MCC: variants seen among roughly 807,000 people sequenced by gnomAD.
MCC encodes the protein colorectal mutant cancer protein.
Under a neutral mutation model 116.2 loss-of-function variants are expected in MCC, and 90 were observed. The ratio of observed to expected loss-of-function variants is 0.77; its 90% CI spans 0.65 to 0.92. The LOEUF (loss-of-function observed/expected upper bound fraction) is 0.92. Ranked by LOEUF, MCC falls within the 40% of genes least tolerant of loss-of-function variation. The pLI is 0.00. For synonymous variants in MCC, 578 were observed against 510.5 expected, an observed-to-expected ratio of 1.13 and a Z score of -1.78; for missense variants, 1,516 against 1,312.2, an observed-to-expected ratio of 1.16 and a Z score of -2.40.
At chr5:113,045,551 G>A (rs1752013524) in intron 16 of MCC, among the ~76,000 whole-genome samples, 1 of 152,194 alleles carries the variant, frequency 6.6e-6, no homozygotes, top group South Asian at 2.1e-4. Context: ...TGTAATCTCA[G>A]CACTTTGGGA....
intron 3 of MCC, among the ~76,000 whole-genome samples, chr5:113,256,676 T>C (rs115781902): frequency 1.9e-3 from 290 of 152,322 alleles, no homozygotes; most frequent in African/African-American, 6.7e-3. Context: ...TCTGGACATG[T>C]TGACCTTGGG....
chr5:113,098,763 C>G (rs1756206122), intron 8 of MCC, among the ~76,000 whole-genome samples: 1 of 152,094 alleles, frequency 6.6e-6, no homozygotes, highest in Non-Finnish European at 1.5e-5. Flanking sequence ...TCCTATTGAT[C>G]TGGTCGGTTA....
intron 3 of MCC, among the ~76,000 whole-genome samples, chr5:113,280,911 A>T (rs1487844552): frequency 6.6e-6 from 1 of 152,212 alleles, no homozygotes; most frequent in African/African-American, 2.4e-5. Flanking sequence ...CCAAAGCTCC[A>T]CAACCAAGTG....
At chr5:113,298,519 T>G (rs1288196251) in intron 3 of MCC, among the ~76,000 whole-genome samples, 1 of 152,118 alleles carries the variant, frequency 6.6e-6, no homozygotes, top group African/African-American at 2.4e-5. Flanking sequence ...AAATGGGAGA[T>G]GAGACTATCT....
intron 3 of MCC, among the ~76,000 whole-genome samples, chr5:113,210,115 A>T (rs1221681272): frequency 6.6e-6 from 1 of 152,186 alleles, no homozygotes; most frequent in Non-Finnish European, 1.5e-5. Flanking sequence ...CACATTTGAC[A>T]TTAGCACAGG....
chr5:113,332,258 A>G (rs999740249), intron 3 of MCC, among the ~76,000 whole-genome samples: 1 of 151,528 alleles, frequency 6.6e-6, no homozygotes, highest in Non-Finnish European at 1.5e-5. Flanking sequence ...AGCGCACTGC[A>G]GCCTCCAACT....
At chr5:113,189,556 G>A (rs1172556381) in intron 3 of MCC, among the ~76,000 whole-genome samples, 1 of 152,136 alleles carries the variant, frequency 6.6e-6, no homozygotes, top group Non-Finnish European at 1.5e-5. Flanking sequence ...GGACTCAGGT[G>A]ACTCTAAGCC....
intron 2 of MCC, among the ~76,000 whole-genome samples, chr5:113,351,056 G>T (rs1561534224): frequency 6.6e-6 from 1 of 152,072 alleles, no homozygotes; most frequent in Non-Finnish European, 1.5e-5. Flanking sequence ...TGGGGATATA[G>T]AGAAAAGGGA....
chr5:113,416,936 T>C (rs1770167311), intron 1 of MCC, among the ~76,000 whole-genome samples: 4 of 152,006 alleles, frequency 2.6e-5, no homozygotes, highest in African/African-American at 9.7e-5. Flanking sequence ...GATTTACATA[T>C]TGGTCATTGC....
At chr5:113,293,202 T>G (rs1766575342) in intron 3 of MCC, among the ~76,000 whole-genome samples, 1 of 145,880 alleles carries the variant, frequency 6.9e-6, no homozygotes, top group Admixed American at 6.8e-5. Context: ...CCAACCCCAT[T>G]TAATCCCCCC....
chr5:113,114,784 G>A (rs995596386), intron 6 of MCC, among the ~76,000 whole-genome samples: 9 of 152,098 alleles, frequency 5.9e-5, no homozygotes, highest in Non-Finnish European at 1.0e-4. Flanking sequence ...TTACCTTCCC[G>A]TTCCATCCCC....
At chr5:113,145,757 CACACACACACACACACACACACACACAA>C (rs1170069953) in intron 4 of MCC, among the ~76,000 whole-genome samples, 825 of 31,614 alleles carry the variant, frequency 0.026, 9 homozygotes, top group African/African-American at 0.071. Context: ...CACACACACA[CACACACACACACACACACACACACACAA>C]ACACACACAC....
At chr5:113,122,857 A>C (rs779779265) in intron 5 of MCC, 31 bp from the exon 6 acceptor site, 14 of 1,611,740 alleles carry the variant, frequency 8.7e-6, no homozygotes, top group African/African-American at 2.7e-5. Flanking sequence ...GCAACCACTA[A>C]CAGAGGATAT....
At chr5:113,133,054 C>A (rs1423062729) in intron 5 of MCC, among the ~76,000 whole-genome samples, 6 of 151,872 alleles carry the variant, frequency 4.0e-5, no homozygotes, top group Non-Finnish European at 5.9e-5. Flanking sequence ...TTTCAGGGTA[C>A]CTGTGACATT....
chr5:113,356,942 A>AC (rs1317023723), intron 2 of MCC, among the ~76,000 whole-genome samples: 1 of 152,186 alleles, frequency 6.6e-6, no homozygotes, highest in Non-Finnish European at 1.5e-5. Flanking sequence ...CATTTTTCCC[A>AC]TTTTTAGAAG....
chr5:113,237,910 G>A (rs1488364333), intron 3 of MCC, among the ~76,000 whole-genome samples: 1 of 152,190 alleles, frequency 6.6e-6, no homozygotes, highest in African/African-American at 2.4e-5. Flanking sequence ...TCCAGTGACA[G>A]CAGAAAAATA....
intron 3 of MCC, among the ~76,000 whole-genome samples, chr5:113,243,840 G>C (rs1764474972): frequency 6.6e-6 from 1 of 152,262 alleles, no homozygotes; most frequent in African/African-American, 2.4e-5. Context: ...CAACATGGCA[G>C]TTCTTAGCAC....
At chr5:113,067,355 A>G (rs1448970194) in intron 13 of MCC, among the ~76,000 whole-genome samples, 1 of 152,192 alleles carries the variant, frequency 6.6e-6, no homozygotes, top group Non-Finnish European at 1.5e-5. Context: ...CATGTTTCAA[A>G]ACTACTCAAA....
chr5:113,404,509 C>G (rs1040393939), intron 1 of MCC, among the ~76,000 whole-genome samples: 7 of 152,182 alleles, frequency 4.6e-5, no homozygotes, highest in Admixed American at 3.9e-4. Context: ...GTCACTCTCA[C>G]AGCCTGCTGC....
Sources: allele counts gnomAD v4.1 joint callset (sites outside exome capture counted in the v4.1 genomes callset), GRCh38; gene constraint gnomAD v4.1.1; transcripts MANE v1.5; gene names NCBI Gene and HGNC (gene_info 2026-07-23, HGNC 2026-07-21).